The following ZNF385D variants were observed in gnomAD, a reference collection of about 807,000 sequenced individuals.
ZNF385D encodes zinc finger protein 385D.
A neutral mutation model predicts 35.8 loss-of-function variants in ZNF385D; 15 were observed. That is an observed-to-expected ratio of 0.42 (90% CI 0.28 to 0.64). The LOEUF is 0.64. Ranked by LOEUF, ZNF385D falls within the 30% of genes least tolerant of loss-of-function variation. The pLI, the probability that ZNF385D is intolerant of heterozygous loss-of-function variation, is 0.23. For synonymous variants in ZNF385D, 212 were observed against 186.8 expected, an observed-to-expected ratio of 1.13 and a Z score of -1.10; for missense variants, 474 against 494.6, an observed-to-expected ratio of 0.96 and a Z score of 0.39.
intron 3 of ZNF385D, among the ~76,000 whole-genome samples, chr3:22,154,871 C>G (rs963738276): frequency 2.0e-5 from 3 of 152,088 alleles, no homozygotes; most frequent in African/African-American, 7.2e-5. Flanking sequence ...CCACAGAAAA[C>G]AGGAAACATT....
chr3:22,139,755 TAAAGTATAATAAAACAAAAA>T (rs965473577), intron 3 of ZNF385D, among the ~76,000 whole-genome samples: 23 of 151,178 alleles, frequency 1.5e-4, no homozygotes, highest in African/African-American at 5.6e-4. Flanking sequence ...CCCTAAAACT[TAAAGTATAATAAAACAAAAA>T]AAAGAATAGT....
chr3:21,999,374 T>C (rs1369465194), intron 3 of ZNF385D, among the ~76,000 whole-genome samples: 1 of 152,142 alleles, frequency 6.6e-6, no homozygotes, highest in Non-Finnish European at 1.5e-5. Flanking sequence ...CAACTTTGAA[T>C]GCAATCTTAG....
intron 2 of ZNF385D, among the ~76,000 whole-genome samples, chr3:21,567,838 G>GT (rs758892443): frequency 1.1e-4 from 17 of 151,944 alleles, no homozygotes; most frequent in African/African-American, 2.9e-4. Flanking sequence ...ATTATTTTGG[G>GT]TTTTTTTTAG....
At chr3:21,975,262 T>C (rs570741167) in intron 3 of ZNF385D, among the ~76,000 whole-genome samples, 26 of 152,088 alleles carry the variant, frequency 1.7e-4, no homozygotes, top group Non-Finnish European at 2.1e-4. Context: ...TACAAGAACA[T>C]GGATGGAACT....
chr3:21,594,027 T>C (rs34306153), intron 2 of ZNF385D, among the ~76,000 whole-genome samples: 23,006 of 152,086 alleles, frequency 0.15, 3,190 homozygotes, highest in African/African-American at 0.37. Context: ...CAGCAGACAG[T>C]AGACGCACAG....
chr3:22,101,282 G>A (rs1701928737), intron 3 of ZNF385D, among the ~76,000 whole-genome samples: 1 of 151,792 alleles, frequency 6.6e-6, no homozygotes, highest in African/African-American at 2.4e-5. Context: ...ATATATAAAG[G>A]GCTATAAGTA....
intron 2 of ZNF385D, among the ~76,000 whole-genome samples, chr3:22,341,080 A>G (rs892311891): frequency 6.6e-5 from 10 of 152,252 alleles, no homozygotes; most frequent in African/African-American, 2.4e-4. Flanking sequence ...CAAAGAATCA[A>G]GAAAACCTGG....
chr3:22,067,436 A>T (rs948840033), intron 3 of ZNF385D, among the ~76,000 whole-genome samples: 3 of 152,228 alleles, frequency 2.0e-5, no homozygotes, highest in Non-Finnish European at 2.9e-5. Context: ...CAGGTAACAG[A>T]TAATGAAGTC....
intron 3 of ZNF385D, among the ~76,000 whole-genome samples, chr3:22,083,215 G>A (rs928942899): frequency 2.0e-5 from 3 of 152,210 alleles, no homozygotes; most frequent in East Asian, 1.9e-4. Context: ...ATGGAACAAA[G>A]CTGGACGGAG....
intron 2 of ZNF385D, among the ~76,000 whole-genome samples, chr3:22,301,434 T>C (rs1690062339): frequency 6.6e-6 from 1 of 152,042 alleles, no homozygotes. Flanking sequence ...TTAAGTCTTC[T>C]CACCACAAAG....
At chr3:22,355,838 T>C (rs1284652182) in intron 2 of ZNF385D, among the ~76,000 whole-genome samples, 1 of 151,920 alleles carries the variant, frequency 6.6e-6, no homozygotes, top group African/African-American at 2.4e-5. Context: ...ATATCACAAA[T>C]TTATCAGTAG....
At chr3:22,265,149 T>C (rs1700833115) in intron 2 of ZNF385D, among the ~76,000 whole-genome samples, 1 of 151,914 alleles carries the variant, frequency 6.6e-6, no homozygotes, top group Admixed American at 6.6e-5. Context: ...AAAACAAGCA[T>C]TAAAAAATAT....
At chr3:21,898,354 A>G (rs1303684465) in intron 3 of ZNF385D, among the ~76,000 whole-genome samples, 1 of 152,172 alleles carries the variant, frequency 6.6e-6, no homozygotes, top group East Asian at 1.9e-4. Context: ...TTTTCCTAAT[A>G]TAGATACCTG....
chr3:22,215,161 C>T (rs910147363), intron 2 of ZNF385D, among the ~76,000 whole-genome samples: 1 of 151,952 alleles, frequency 6.6e-6, no homozygotes, highest in Non-Finnish European at 1.5e-5. Context: ...TCCCCAATAT[C>T]TGGCGCCCAT....
intron 3 of ZNF385D, among the ~76,000 whole-genome samples, chr3:21,887,561 A>C (rs1440331117): frequency 6.6e-6 from 1 of 152,140 alleles, no homozygotes; most frequent in African/African-American, 2.4e-5. Flanking sequence ...AGGGAGGCAA[A>C]TGGTAACAAC....
intron 3 of ZNF385D, among the ~76,000 whole-genome samples, chr3:22,105,846 C>A (rs1702183787): frequency 6.6e-6 from 1 of 152,044 alleles, no homozygotes; most frequent in African/African-American, 2.4e-5. Flanking sequence ...GGCTGGGCAT[C>A]CTGGGACCTA....
rs1379043185 is a variant in ZNF385D, at chr3:21,417,987, T to G, written c.*3227A>C. The G allele has an allele frequency of 6.6e-6, 1 of 152,160 alleles. No homozygotes were observed. The highest frequency in any genetic ancestry group is 1.5e-5 in the Non-Finnish European group (1 of 68,012). The allele number at this position is 152,160 out of a possible 1,614,324, so 9.4% of individuals were successfully genotyped here. The stretch of plus-strand genomic sequence containing the variant: ...GAATAAAAAAAGTACTCTTCAAAGT[T>G]GAGGTCCAGTGAGAGGAGCAATTTA... On this transcript the variant is annotated 3_prime_UTR_variant, in exon 8 of 8. Coordinates refer to ENST00000281523, the MANE Select transcript of ZNF385D (RefSeq NM_024697.3).
At chr3:22,065,732 A>G (rs1699913485) in intron 3 of ZNF385D, among the ~76,000 whole-genome samples, 1 of 152,202 alleles carries the variant, frequency 6.6e-6, no homozygotes, top group Non-Finnish European at 1.5e-5. Context: ...CATAACACAC[A>G]CTGCATAAAA....
intron 3 of ZNF385D, among the ~76,000 whole-genome samples, chr3:22,087,964 G>A (rs1191652986): frequency 2.0e-5 from 3 of 152,220 alleles, no homozygotes; most frequent in Admixed American, 1.3e-4. Context: ...ATTTGACTGG[G>A]AAAGGTTTAG....
Sources: gnomAD v4.1 joint callset for allele counts (sites outside exome capture counted in the v4.1 genomes callset) on GRCh38, gnomAD v4.1.1 for gene constraint, MANE v1.5 for transcripts, NCBI Gene and HGNC (gene_info 2026-07-23, HGNC 2026-07-21) for gene names.